The following RIMBP2 variants were observed in gnomAD, a reference collection of about 807,000 sequenced individuals.
RIMBP2 encodes the protein RIMS binding protein 2, also known as RIMS-binding protein 2.
Under a neutral mutation model 118.6 loss-of-function variants are expected in RIMBP2, and 48 were observed. The ratio of observed to expected loss-of-function variants is 0.40; its 90% CI spans 0.32 to 0.51. RIMBP2 has a LOEUF of 0.51. Among genes scored for constraint, RIMBP2 ranks in the 20% least tolerant of loss-of-function variants. The probability of loss-of-function intolerance (pLI) is 0.41; values close to 1 mark genes in which losing one functional copy is unlikely to be tolerated. For synonymous variants in RIMBP2, 762 were observed against 742.9 expected (o/e 1.03, Z -0.42); for missense variants, 1,551 against 1,768.3 (o/e 0.88, Z 2.20).
intron 2 of RIMBP2, among the ~76,000 whole-genome samples, chr12:130,522,986 C>G (rs1055168883): frequency 6.6e-6 from 1 of 152,054 alleles, no homozygotes; most frequent in African/African-American, 2.4e-5. Context: ...CTCACTCTGC[C>G]TCGGTTTTAG....
intron 5 of RIMBP2, among the ~76,000 whole-genome samples, chr12:130,473,096 C>A (rs1178734752): frequency 9.9e-5 from 15 of 152,222 alleles, no homozygotes. Context: ...TTCCAGCAGG[C>A]TGTTAAAACT....
chr12:130,533,301 G>GA (rs1407959660), intron 2 of RIMBP2, among the ~76,000 whole-genome samples: 2 of 152,122 alleles, frequency 1.3e-5, no homozygotes, highest in African/African-American at 4.8e-5. Flanking sequence ...GCAGGTATAC[G>GA]AAAAAATGCC....
intron 2 of RIMBP2, among the ~76,000 whole-genome samples, chr12:130,598,424 C>A (rs900858492): frequency 1.3e-5 from 2 of 152,048 alleles, no homozygotes; most frequent in African/African-American, 4.8e-5. Flanking sequence ...GTAAAATAGA[C>A]CCTGCCAAAA....
chr12:130,654,475 C>A (rs2063346070), intron 1 of RIMBP2, among the ~76,000 whole-genome samples: 1 of 152,210 alleles, frequency 6.6e-6, no homozygotes, highest in African/African-American at 2.4e-5. Context: ...CTTCACTGTC[C>A]AAATCACTAT....
intron 7 of RIMBP2, among the ~76,000 whole-genome samples, chr12:130,455,302 C>T (rs2079332885): frequency 1.3e-5 from 2 of 152,244 alleles, no homozygotes; most frequent in Admixed American, 1.3e-4. Context: ...TAGAAGAGCC[C>T]AAGTCACTGT....
At position 130,511,568 on chromosome 12, in the gene RIMBP2, G is replaced by A. The variant is rs2050913938; in HGVS notation, c.-126-4798C>T. Among the ~76,000 whole-genome samples, 2 of 152,146 alleles carry A rather than the reference G, an allele frequency of 1.3e-5. No individual in the cohort carries two copies. The highest frequency in any genetic ancestry group is 4.8e-5 in the African/African-American group (2 of 41,448). On this transcript the variant is annotated intron_variant, in intron 3 of 22. Coordinates refer to ENST00000690449, the MANE Select transcript of RIMBP2 (RefSeq NM_001393629.1). The surrounding 1 kb of genome is among the most constrained non-coding windows in gnomAD (Gnocchi z 4.3). ...AGCCCCCAGGGCTTCAGTCACCCCA[G>A]TGGCTCCCCTAACCCTGCCTGCACC...
At chr12:130,646,050 C>G (rs2062869074) in intron 1 of RIMBP2, among the ~76,000 whole-genome samples, 1 of 130,414 alleles carries the variant, frequency 7.7e-6, no homozygotes, top group Non-Finnish European at 1.8e-5. Context: ...TCCCTCTCCA[C>G]CTCCCTCACC....
chr12:130,521,419 G>T (rs2052099424), intron 2 of RIMBP2, among the ~76,000 whole-genome samples: 1 of 152,210 alleles, frequency 6.6e-6, no homozygotes, highest in Admixed American at 6.5e-5. Context: ...GGAGGAGGAA[G>T]AGGAGGATTG....
chr12:130,425,953 C>G (rs1053713892), intron 15 of RIMBP2: 7 of 152,344 alleles, frequency 4.6e-5, no homozygotes, highest in African/African-American at 1.7e-4. Flanking sequence ...GAGGAGGCAT[C>G]GGGGCACACA....
rs35127958 is a variant in RIMBP2 at position 130,601,335 on chromosome 12, CAAAAAAA to C, written c.-217+26980_-217+26986del. ...TGGGGATGGGGTCAAAGAGGGCAGG[CAAAAAAA>C]AAAAAAAAAAAAAAAAAAGCAAACC... On this transcript the variant is annotated intron_variant, in intron 2 of 22. Coordinates refer to ENST00000690449, the MANE Select transcript of RIMBP2 (RefSeq NM_001393629.1). 8.3e-3 allele frequency among the ~76,000 whole-genome samples: 525 copies of C among 63,078 alleles called. 2 individuals are homozygous for C. Among genetic ancestry groups the C allele is most frequent in the African/African-American group, 0.025 (488 of 19,354 alleles). 41.4% of individuals were successfully genotyped at this position (63,078 alleles called of 152,430 possible).
At chr12:130,520,379 T>C (rs761033576) in intron 2 of RIMBP2, among the ~76,000 whole-genome samples, 2 of 151,984 alleles carry the variant, frequency 1.3e-5, no homozygotes, top group Non-Finnish European at 2.9e-5. Flanking sequence ...TACCACTTAC[T>C]ATACTGGGCA....
chr12:130,709,881 G>A (rs1412806681), intron 1 of RIMBP2, among the ~76,000 whole-genome samples: 1 of 152,116 alleles, frequency 6.6e-6, no homozygotes, highest in Non-Finnish European at 1.5e-5. Flanking sequence ...GGCCAAATGG[G>A]CTTTCTTTTT....
At chr12:130,707,576 C>T (rs1054506253) in intron 1 of RIMBP2, among the ~76,000 whole-genome samples, 2 of 152,138 alleles carry the variant, frequency 1.3e-5, no homozygotes, top group African/African-American at 4.8e-5. Context: ...CATCAGGAGG[C>T]CCTTGCGCTT....
At chr12:130,672,891 G>C (rs993555467) in intron 1 of RIMBP2, among the ~76,000 whole-genome samples, 1 of 152,118 alleles carries the variant, frequency 6.6e-6, no homozygotes, top group African/African-American at 2.4e-5. Flanking sequence ...CCTTATCCTA[G>C]TATTTAGATC....
At chr12:130,601,850 T>C (rs958519781) in intron 2 of RIMBP2, among the ~76,000 whole-genome samples, 9 of 152,228 alleles carry the variant, frequency 5.9e-5, no homozygotes, top group Non-Finnish European at 1.3e-4. Context: ...ATATGTTCAG[T>C]ATGCAAATAG....
At chr12:130,659,901 G>A (rs936333941) in intron 1 of RIMBP2, 2 of 150,972 alleles carry the variant, frequency 1.3e-5, no homozygotes, top group African/African-American at 2.4e-5. Context: ...TTGAACCCAT[G>A]AGGAAGAGGT....
intron 2 of RIMBP2, among the ~76,000 whole-genome samples, chr12:130,571,634 G>T (rs2057669393): frequency 6.6e-6 from 1 of 152,076 alleles, no homozygotes; most frequent in Admixed American, 6.5e-5. Flanking sequence ...TGGCCAGGCT[G>T]ATCTCGAACT....
intron 5 of RIMBP2, among the ~76,000 whole-genome samples, chr12:130,472,807 T>G (rs2081118763): frequency 6.6e-6 from 1 of 152,188 alleles, no homozygotes; most frequent in Non-Finnish European, 1.5e-5. Context: ...ATGAGTTCCA[T>G]TCTCACATAT....
chr12:130,636,883 AT>A, intron 1 of RIMBP2, among the ~76,000 whole-genome samples: 1 of 152,218 alleles, frequency 6.6e-6, no homozygotes, highest in Non-Finnish European at 1.5e-5. Context: ...GACTAAGTCA[AT>A]ATAATTAGGT....
Sources: gnomAD v4.1 joint callset for allele counts (sites outside exome capture counted in the v4.1 genomes callset) on GRCh38, gnomAD v4.1.1 for gene constraint, Gnocchi (gnomAD v3.1) non-coding constraint, MANE v1.5 for transcripts, NCBI Gene and HGNC (gene_info 2026-07-23, HGNC 2026-07-21) for gene names.